The following SLC24A2 variants were observed in gnomAD, a reference collection of about 807,000 sequenced individuals.
SLC24A2 encodes the protein sodium/potassium/calcium exchanger 2.
Under a neutral mutation model 62.0 loss-of-function variants are expected in SLC24A2, and 36 were observed. The observed-to-expected ratio is 0.58, with a 90% CI of 0.44 to 0.77. The LOEUF is 0.77. Among genes scored for constraint, SLC24A2 ranks in the 30% least tolerant of loss-of-function variants. The pLI, the probability that SLC24A2 is intolerant of heterozygous loss-of-function variation, is 0.00. For synonymous variants in SLC24A2, 358 were observed against 294.0 expected, an observed-to-expected ratio of 1.22 and a Z score of -2.23; for missense variants, 846 against 817.9, an observed-to-expected ratio of 1.03 and a Z score of -0.42.
intron 2 of SLC24A2, among the ~76,000 whole-genome samples, chr9:19,660,639 G>A (rs1369298366): frequency 6.6e-6 from 1 of 152,168 alleles, no homozygotes; most frequent in Non-Finnish European, 1.5e-5. Flanking sequence ...GGAAAGCACT[G>A]TATTAGTAAC....
the SLC24A2 span, among the ~76,000 whole-genome samples, chr9:20,224,304 G>T: frequency 1.3e-5 from 2 of 151,900 alleles, no homozygotes; most frequent in Non-Finnish European, 2.9e-5. Context: ...TTCTTATCTA[G>T]TTGCGAAAAG....
At chr9:19,965,798 G>A in the SLC24A2 span, among the ~76,000 whole-genome samples, 2 of 152,102 alleles carry the variant, frequency 1.3e-5, no homozygotes, top group Non-Finnish European at 2.9e-5. Context: ...CATTTACCAC[G>A]ACCCATCCTG....
chr9:20,298,430 C>T, the SLC24A2 span, among the ~76,000 whole-genome samples: 5 of 152,176 alleles, frequency 3.3e-5, no homozygotes, highest in East Asian at 3.9e-4. Context: ...GGTTTCATCA[C>T]GTTGGCCTGG....
At chr9:20,042,081 T>C in the SLC24A2 span, among the ~76,000 whole-genome samples, 40 of 152,310 alleles carry the variant, frequency 2.6e-4, no homozygotes, top group African/African-American at 9.6e-4. Context: ...GCCTGGCAAA[T>C]GTGCCACTGA....
rs1832739814 is a variant in SLC24A2 at position 19,512,173 on chromosome 9, C to CCT, written c.*3978_*3979dup. 1 of 152,112 alleles carries CCT rather than the reference C, an allele frequency of 6.6e-6. No homozygotes were observed. Among genetic ancestry groups the CCT allele is most frequent in the Non-Finnish European group, 1.5e-5 (1 of 68,042 alleles). The allele number at this position is 152,112 out of a possible 1,614,324, so 9.4% of individuals were successfully genotyped here. A position where few individuals can be genotyped will look rare whatever the true frequency, so the allele number is the denominator to read the frequency against. The stretch of plus-strand genomic sequence containing the variant: ...TGGTGGGGAGTTTGCCAACTCTCTC[C>CCT]CTGCCCAGGAATGGATGTACATTAA... On this transcript the variant is annotated 3_prime_UTR_variant, in exon 11 of 11. Transcript: ENST00000341998.
At chr9:19,687,566 T>C (rs370707690) in intron 2 of SLC24A2, among the ~76,000 whole-genome samples, 9 of 152,112 alleles carry the variant, frequency 5.9e-5, no homozygotes, top group African/African-American at 1.7e-4. Context: ...TTCTGAAACA[T>C]TGTACCAATG....
At chr9:20,246,553 TCA>T in the SLC24A2 span, among the ~76,000 whole-genome samples, 1 of 152,156 alleles carries the variant, frequency 6.6e-6, no homozygotes, top group Admixed American at 6.5e-5. Flanking sequence ...TAAATATATC[TCA>T]GTCATTTGTG....
intron 2 of SLC24A2, among the ~76,000 whole-genome samples, chr9:19,757,946 C>T (rs962487417): frequency 6.6e-6 from 1 of 152,128 alleles, no homozygotes; most frequent in African/African-American, 2.4e-5. Context: ...CTGCACATGT[C>T]CACTTCCCCT....
the SLC24A2 span, among the ~76,000 whole-genome samples, chr9:20,263,656 G>A: frequency 6.6e-6 from 1 of 152,188 alleles, no homozygotes; most frequent in Non-Finnish European, 1.5e-5. Context: ...GAATCACCAT[G>A]CACTACATGT....
At chr9:19,710,099 A>T (rs1051282611) in intron 2 of SLC24A2, among the ~76,000 whole-genome samples, 1 of 152,088 alleles carries the variant, frequency 6.6e-6, no homozygotes, top group African/African-American at 2.4e-5. Flanking sequence ...GGGAGAGAAG[A>T]GGGTACAGAA....
At chr9:20,116,232 A>T in the SLC24A2 span, among the ~76,000 whole-genome samples, 2 of 152,156 alleles carry the variant, frequency 1.3e-5, no homozygotes, top group Non-Finnish European at 2.9e-5. Flanking sequence ...TGCCATTCTC[A>T]TAGCTCTAAA....
chr9:19,779,169 G>A (rs143540839), intron 2 of SLC24A2, among the ~76,000 whole-genome samples: 23 of 152,302 alleles, frequency 1.5e-4, no homozygotes, highest in African/African-American at 4.6e-4. Context: ...TACAAGATAC[G>A]TCTAACTGGA....
the SLC24A2 span, among the ~76,000 whole-genome samples, chr9:20,220,381 T>G: frequency 6.6e-6 from 1 of 152,176 alleles, no homozygotes; most frequent in Admixed American, 6.6e-5. Context: ...AAACAGCTCA[T>G]GTTCACTAAA....
the SLC24A2 span, among the ~76,000 whole-genome samples, chr9:20,118,097 A>G: frequency 6.6e-6 from 1 of 152,156 alleles, no homozygotes; most frequent in African/African-American, 2.4e-5. Flanking sequence ...ATAAAGAGTA[A>G]GTCAACCTTC....
At chr9:20,105,687 G>A in the SLC24A2 span, among the ~76,000 whole-genome samples, 17 of 151,818 alleles carry the variant, frequency 1.1e-4, no homozygotes, top group South Asian at 2.1e-4. Flanking sequence ...TCTCCGGGAC[G>A]CATTCAAAGC....
rs1564009959 is a variant in SLC24A2 at position 19,636,371 on chromosome 9, CTTT to C, written c.931-14075_931-14073del. ...TCTTTCTTTCTTTCTTTCTTTCTTTCTTTCTTTCTTTCTTTCTCCCTCTCTCTC... is the reference window on the plus strand; with the variant it reads ...TCTTTCTTTCTTTCTTTCTTTCTTTCCTTTCTTTCTTTCTCCCTCTCTCTC... On this transcript the variant is annotated intron_variant, in intron 2 of 10. Coordinates refer to ENST00000341998, the MANE Select transcript of SLC24A2 (RefSeq NM_020344.4). 1.8e-3 allele frequency among the ~76,000 whole-genome samples: 61 copies of C among 33,586 alleles called. 8 individuals carry two copies. The highest frequency in any genetic ancestry group is 0.015 in the Middle Eastern group (1 of 68). The allele number at this position is 33,586 out of a possible 152,430, so 22.0% of individuals were successfully genotyped here.
chr9:20,054,422 C>T, the SLC24A2 span, among the ~76,000 whole-genome samples: 2 of 152,144 alleles, frequency 1.3e-5, no homozygotes, highest in South Asian at 2.1e-4. Context: ...AAACTCCCGA[C>T]CTCAAGTGAT....
At chr9:19,573,217 G>A in intron 7 of SLC24A2, 134 bp downstream of exon 7, 1 of 656,376 alleles carries the variant, frequency 1.5e-6, no homozygotes, top group East Asian at 2.9e-5. Flanking sequence ...ATACACACAA[G>A]GATGTATAAG....
chr9:20,283,751 A>AGGC, the SLC24A2 span, among the ~76,000 whole-genome samples: 8 of 80,012 alleles, frequency 1.0e-4, no homozygotes, highest in African/African-American at 3.7e-4. Flanking sequence ...AGAAAAAAAA[A>AGGC]GGGGGGGGGG....
Sources: allele counts gnomAD v4.1 joint callset (sites outside exome capture counted in the v4.1 genomes callset), GRCh38; gene constraint gnomAD v4.1.1; transcripts MANE v1.5; gene names NCBI Gene and HGNC (gene_info 2026-07-23, HGNC 2026-07-21).